TAP1: variants seen among roughly 807,000 people sequenced by gnomAD.
TAP1 encodes the protein transporter 1, ATP binding cassette subfamily B member.
TAP1 carries 56 observed loss-of-function variants against 79.3 expected under a neutral mutation model. That is an observed-to-expected ratio of 0.71 (90% CI 0.57 to 0.88). The LOEUF (loss-of-function observed/expected upper bound fraction) is 0.88. Among genes scored for constraint, TAP1 ranks in the 40% least tolerant of loss-of-function variants. TAP1 has a pLI of 0.00. For missense variants in TAP1, 737 were observed against 936.3 expected, an observed-to-expected ratio of 0.79 and a Z score of 2.78; for synonymous variants, 355 against 401.4, an observed-to-expected ratio of 0.88 and a Z score of 1.38.
In TAP1 at chr6:32,850,057, G is replaced by A. The variant is rs113849955; in HGVS notation, c.1248+263C>T. ...CCCTGAGAGGCAAAGGAAGGCCCTA[G>A]GACTGGAAGACACGCATCTCTCCAA... On this transcript the variant is annotated intron_variant, in intron 5 of 10. Coordinates refer to ENST00000354258, the MANE Select transcript of TAP1 (RefSeq NM_000593.6). This position sits in a 1 kb window ranked among gnomAD's most constrained non-coding sequence, Gnocchi z 5.5. The A allele has an allele frequency of 5.8e-3, 3,354 of 577,642 alleles. 42 individuals are homozygous for A. Among genetic ancestry groups the A allele is most frequent in the African/African-American group, 0.04 (2,164 of 53,638 alleles). 35.8% of individuals were successfully genotyped at this position (577,642 alleles called of 1,614,324 possible).
chr6:32,850,070 C>T lies in TAP1; in HGVS notation c.1248+250G>A, dbSNP rs1338248789. ...AGGAAGGCCCTAGGACTGGAAGACA[C>T]GCATCTCTCCAATCCACATGGTTGG... On this transcript the variant is annotated intron_variant, in intron 5 of 10. Transcript: ENST00000354258. The surrounding 1 kb of genome is among the most constrained non-coding windows in gnomAD (Gnocchi z 5.5). 3.5e-5 allele frequency: 21 copies of T among 593,644 alleles called. No homozygotes were observed. The highest frequency in any genetic ancestry group is 8.6e-5 in the East Asian group (3 of 34,878). 36.8% of individuals were successfully genotyped at this position (593,644 alleles called of 1,614,324 possible). A position where few individuals can be genotyped will look rare whatever the true frequency, so the allele number is the denominator to read the frequency against.
rs1770531168 is a variant in TAP1 at position 32,847,815 on chromosome 6, C to G, written c.1740+104G>C. 6.3e-7 allele frequency: 1 copy of G among 1,580,176 alleles called. No homozygotes were observed. The highest frequency in any genetic ancestry group is 8.7e-7 in the Non-Finnish European group (1 of 1,151,130). ...CTCCTGACTACACCACCATCTCCAC[C>G]CAAGGTCTCTTATCATTCCCTAACC... On this transcript the variant is annotated intron_variant, in intron 8 of 10. Coordinates refer to ENST00000354258, the MANE Select transcript of TAP1 (RefSeq NM_000593.6). The surrounding 1 kb of genome is among the most constrained non-coding windows in gnomAD (Gnocchi z 4.7).
At position 32,853,663 on chromosome 6, in the gene TAP1, G is replaced by T; in HGVS notation, c.-27C>A. ...GGCACTCGGACGCCGTCCCGGTCCCGGCCGGGCCTGGGACTCTCCGCGCCC... is the reference window on the plus strand; with the variant it reads ...GGCACTCGGACGCCGTCCCGGTCCCTGCCGGGCCTGGGACTCTCCGCGCCC... On this transcript the variant is annotated 5_prime_UTR_variant, in exon 1 of 11. Coordinates refer to ENST00000354258, the MANE Select transcript of TAP1 (RefSeq NM_000593.6). The surrounding 1 kb of genome is among the most constrained non-coding windows in gnomAD (Gnocchi z 8.3). 1 of 1,598,048 alleles carries T rather than the reference G, an allele frequency of 6.3e-7. No individual in the cohort carries two copies. The highest frequency in any genetic ancestry group is 1.3e-5 in the African/African-American group (1 of 74,748).
intron 10 of TAP1, chr6:32,846,570 A>T (rs1026182985): frequency 3.7e-6 from 1 of 269,534 alleles, no homozygotes; most frequent in Non-Finnish European, 7.3e-6. Context: ...CTATAACCCC[A>T]GCCCTTTGGG....
At chr6:32,849,615 G>A (rs899620232) in intron 5 of TAP1, 11 of 196,552 alleles carry the variant, frequency 5.6e-5, no homozygotes, top group African/African-American at 2.4e-4. Context: ...GCCGGGCGTG[G>A]TGGCGGGTGC....
At chr6:32,846,922 G>A in intron 10 of TAP1, 146 bp downstream of exon 10, 2 of 1,174,214 alleles carry the variant, frequency 1.7e-6, no homozygotes, top group Non-Finnish European at 2.5e-6. Flanking sequence ...TCTACTCCTT[G>A]GGGAGGCATC....
rs780032969 is a variant in TAP1, at chr6:32,850,395, C to A, written c.1173G>T (p.Arg391Ser). The A allele has an allele frequency of 2.5e-6, 4 of 1,614,116 alleles. No individual in the cohort carries two copies. The African/African-American group carries it at 5.3e-5, about 22-fold the overall frequency. The change falls in exon 5 of 11, where the codon AGG (arginine) becomes AGT (serine). Residue 391 changes from arginine (R) to serine (S), a missense_variant. Arg to Ser is a moderately radical substitution (Grantham distance 110). Transcript: ENST00000354258. The surrounding 1 kb of genome is among the most constrained non-coding windows in gnomAD (Gnocchi z 5.5). ...GTGTCTTTATTTCTTGCAGCTTTTC[C>A]CTAAACTTCTGGGCTTCGCCCTCCT... ...ANEEGEAQKF[R>S]EKLQEIKTLN...
In TAP1 at chr6:32,845,694, T is replaced by G; in HGVS notation, c.2132A>C (p.His711Pro). Residue 711 changes from histidine to proline, a missense_variant, in exon 11 of 11, where the codon CAC (histidine) becomes CCC (proline). Physicochemically the swap from His to Pro is moderately conservative, Grantham distance 77. Coordinates refer to ENST00000354258, the MANE Select transcript of TAP1 (RefSeq NM_000593.6). This position sits in a 1 kb window ranked among gnomAD's most constrained non-coding sequence, Gnocchi z 4.5. The stretch of plus-strand genomic sequence containing the variant: ...AGCGCCTCCTTCCAGAAAGAGGATG[T>G]GGTCAGCCTGCTCCACCAGGCTGAG... ...QHLSLVEQAD[H>P]ILFLEGGAIR... 1 of 1,613,006 alleles carries G rather than the reference T, an allele frequency of 6.2e-7. No homozygotes were observed. The highest frequency in any genetic ancestry group is 2.2e-5 in the East Asian group (1 of 44,884).
At position 32,845,296 on chromosome 6, in the gene TAP1, G is replaced by A; in HGVS notation, c.*283C>T. 1.8e-6 allele frequency: 1 copy of A among 568,330 alleles called. No homozygotes were observed. The highest frequency in any genetic ancestry group is 3.1e-6 in the Non-Finnish European group (1 of 317,882). 35.2% of individuals were successfully genotyped at this position (568,330 alleles called of 1,614,324 possible). A position where few individuals can be genotyped will look rare whatever the true frequency, so the allele number is the denominator to read the frequency against. ...GCCTTCAGTTATGTTGAAAATAGCT[G>A]ATCATCTTTCCGTACATTCTGAACA... On this transcript the variant is annotated 3_prime_UTR_variant, in exon 11 of 11. Coordinates refer to ENST00000354258, the MANE Select transcript of TAP1 (RefSeq NM_000593.6). The surrounding 1 kb of genome is among the most constrained non-coding windows in gnomAD (Gnocchi z 4.5).
rs1012223488 is a variant in TAP1 at position 32,847,658 on chromosome 6, T to C, written c.1758A>G (p.Gln586=). The C allele has an allele frequency of 2.5e-6, 4 of 1,613,900 alleles. No homozygotes were observed. The highest frequency in any genetic ancestry group is 1.1e-5 in the South Asian group (1 of 91,070). ...YLHRQVAAVG[Q]EPQVFGRSLQ... ...GACTTCTTCCAAATACCTGTGGCTC[T>C]TGTCCCACTGCAGCCACCTGAGATG... is the stretch of plus-strand genomic sequence containing the variant. Residue 586 remains glutamine (Q), a synonymous_variant, in exon 9 of 11, where the codon CAA becomes CAG. Coordinates refer to ENST00000354258, the MANE Select transcript of TAP1 (RefSeq NM_000593.6). This position sits in a 1 kb window ranked among gnomAD's most constrained non-coding sequence, Gnocchi z 4.7.
chr6:32,850,525 T>A lies in TAP1; in HGVS notation c.1051-8A>T. 6.2e-7 allele frequency: 1 copy of A among 1,610,292 alleles called. No individual in the cohort carries two copies. The highest frequency in any genetic ancestry group is 8.5e-7 in the Non-Finnish European group (1 of 1,179,940). On this transcript the variant is annotated splice_polypyrimidine_tract_variant and splice_region_variant and intron_variant, in intron 4 of 10. Transcript: ENST00000354258. The surrounding 1 kb of genome is among the most constrained non-coding windows in gnomAD (Gnocchi z 5.5). ...CACCTGCACTTCCAGCAACTGTGGA[T>A]ACATGGACAAGAGATGTCACACGGG...
chr6:32,847,281 T>A lies in TAP1; in HGVS notation c.1904-77A>T. 1 of 1,557,402 alleles carries A rather than the reference T, an allele frequency of 6.4e-7. No homozygotes were observed. Among genetic ancestry groups the A allele is most frequent in the Non-Finnish European group, 8.8e-7 (1 of 1,142,166 alleles). On this transcript the variant is annotated intron_variant, in intron 9 of 10. Transcript: ENST00000354258. The surrounding 1 kb of genome is among the most constrained non-coding windows in gnomAD (Gnocchi z 4.7). ...ATGTACATGCACACAGACACACTCA[T>A]GCATTCACGCACTCACACACACCAA...
rs3957149 is a variant in TAP1, at chr6:32,851,924, T to A, written c.844+185A>T. 1.7e-3 allele frequency among the ~76,000 whole-genome samples: 245 copies of A among 147,422 alleles called. No individual in the cohort carries two copies. Among genetic ancestry groups the A allele is most frequent in the East Asian group, 6.2e-3 (31 of 5,020 alleles). On this transcript the variant is annotated intron_variant, in intron 3 of 10. Coordinates refer to ENST00000354258, the MANE Select transcript of TAP1 (RefSeq NM_000593.6). This position sits in a 1 kb window ranked among gnomAD's most constrained non-coding sequence, Gnocchi z 4.8. ...AAAAACAATTGTGTGTGTGTGTGTGTGAGAGAGAGAGAGAGAGAGACAGAG... is the reference window on the plus strand; with the variant it reads ...AAAAACAATTGTGTGTGTGTGTGTGAGAGAGAGAGAGAGAGAGAGACAGAG...
chr6:32,852,937 C>T lies in TAP1; in HGVS notation c.598+102G>A. ...CACGCTAGGAGTCCTTCTCCTGCTC[C>T]ACATTTCCCAGAACCCACGCTACTC... On this transcript the variant is annotated intron_variant, in intron 1 of 10. Coordinates refer to ENST00000354258, the MANE Select transcript of TAP1 (RefSeq NM_000593.6). This position sits in a 1 kb window ranked among gnomAD's most constrained non-coding sequence, Gnocchi z 4.8. The T allele has an allele frequency of 5.3e-6, 8 of 1,502,470 alleles. No individual in the cohort carries two copies. The South Asian group carries it at 7.5e-5, about 14-fold the overall frequency. The allele number at this position is 1,502,470 out of a possible 1,614,324, so 93.1% of individuals were successfully genotyped here.
chr6:32,845,971 C>T lies in TAP1; in HGVS notation c.2041-186G>A. On this transcript the variant is annotated intron_variant, in intron 10 of 10. Coordinates refer to ENST00000354258, the MANE Select transcript of TAP1 (RefSeq NM_000593.6). The surrounding 1 kb of genome is among the most constrained non-coding windows in gnomAD (Gnocchi z 4.5). ...CTTTGTTTCATTAAGGACTGTTTTA[C>T]ATGAAGGGTGCAAAAGTAGGATAAA... 1.6e-6 allele frequency: 1 copy of T among 636,864 alleles called. No homozygotes were observed. The highest frequency in any genetic ancestry group is 2.8e-6 in the Non-Finnish European group (1 of 352,226). 39.5% of individuals were successfully genotyped at this position (636,864 alleles called of 1,614,324 possible).
In TAP1 at chr6:32,852,739, A is replaced by C; in HGVS notation, c.599-237T>G. 2 of 1,447,078 alleles carry C rather than the reference A, an allele frequency of 1.4e-6. No individual in the cohort carries two copies. The highest frequency in any genetic ancestry group is 1.8e-6 in the Non-Finnish European group (2 of 1,107,846). 89.6% of individuals were successfully genotyped at this position (1,447,078 alleles called of 1,614,324 possible). On this transcript the variant is annotated intron_variant, in intron 1 of 10. Transcript: ENST00000354258. This position sits in a 1 kb window ranked among gnomAD's most constrained non-coding sequence, Gnocchi z 4.8. The stretch of plus-strand genomic sequence containing the variant: ...AGGAAGGCTGGAGATCATGAAGTAG[A>C]AAAGCCTCCTGTTAGAGATGAGGAT...
chr6:32,849,105 A>G lies in TAP1; in HGVS notation c.1262T>C (p.Leu421Pro). The G allele has an allele frequency of 6.3e-7, 1 of 1,584,514 alleles. No homozygotes were observed. Among genetic ancestry groups the G allele is most frequent in the Non-Finnish European group, 8.6e-7 (1 of 1,165,444 alleles). ...NSWTTSISGMLLKVGILYIGG... is the reference protein window; with the variant it reads ...NSWTTSISGMPLKVGILYIGG... ...AATGTAGAGGATTCCCACTTTCAGC[A>G]GCATACCTGAAATCTATAAAGAGAC... is the stretch of plus-strand genomic sequence containing the variant. The change falls in exon 6 of 11, where the codon CTG (leucine) becomes CCG (proline). Residue 421 changes from leucine (L) to proline (P), a missense_variant. Leu to Pro is a moderately conservative substitution (Grantham distance 98, BLOSUM62 -3). Around this residue, in one of 5 missense-constraint regions of TAP1, gnomAD observed 406 missense variants for 477.2 expected, o/e 0.85. Transcript: ENST00000354258.
In TAP1 at chr6:32,847,145, G is replaced by C. The variant is rs375324960; in HGVS notation, c.1963C>G (p.Arg655Gly). 2.5e-6 allele frequency: 4 copies of C among 1,612,718 alleles called. No individual in the cohort carries two copies. The highest frequency in any genetic ancestry group is 1.7e-6 in the Non-Finnish European group (2 of 1,180,044). ...ACACACGGTTTCCGGATCAATGCTC[G>C]GGCCAACGCCACTGCCTGTCGCTGA... ...GGQRQAVALA[R>G]ALIRKPCVLI... The change falls in exon 10 of 11, where the codon CGA becomes GGA. Residue 655 changes from arginine to glycine, a missense_variant. Coordinates refer to ENST00000354258, the MANE Select transcript of TAP1 (RefSeq NM_000593.6). The surrounding 1 kb of genome is among the most constrained non-coding windows in gnomAD (Gnocchi z 4.7).
At chr6:32,848,247 GCCTCC>G (rs1273416929) in intron 7 of TAP1, 155 bp from the exon 8 acceptor site, 2 of 978,082 alleles carry the variant, frequency 2.0e-6, no homozygotes, top group African/African-American at 3.2e-5. Flanking sequence ...TCTGGGTGAT[GCCTCC>G]CCAAGGAGTA....
Sources: gnomAD v4.1 joint callset for allele counts (sites outside exome capture counted in the v4.1 genomes callset) on GRCh38, gnomAD v4.1.1 for gene constraint, gnomAD v4.1.1 regional missense constraint, Gnocchi (gnomAD v3.1) non-coding constraint, MANE v1.5 for transcripts, NCBI Gene and HGNC (gene_info 2026-07-23, HGNC 2026-07-21) for gene names.